The following RPS6KC1 variants were observed in gnomAD, a reference collection of about 807,000 sequenced individuals.
RPS6KC1 encodes the protein inactive ribosomal protein S6 kinase delta-1.
RPS6KC1 carries 54 observed loss-of-function variants against 103.8 expected under a neutral mutation model. The observed-to-expected ratio is 0.52, with a 90% CI of 0.42 to 0.65. The LOEUF is 0.65. Ranked by LOEUF, RPS6KC1 falls within the 30% of genes least tolerant of loss-of-function variation. The probability of loss-of-function intolerance (pLI) is 0.00; values close to 1 mark genes in which losing one functional copy is unlikely to be tolerated. For missense variants in RPS6KC1, 1,151 were observed against 1,253.8 expected, an observed-to-expected ratio of 0.92 and a Z score of 1.24; for synonymous variants, 439 against 438.7, an observed-to-expected ratio of 1.00 and a Z score of -0.01.
At chr1:213,807,267 C>T in the RPS6KC1 span, among the ~76,000 whole-genome samples, 2 of 152,230 alleles carry the variant, frequency 1.3e-5, no homozygotes, top group Middle Eastern at 3.4e-3. Flanking sequence ...CTTGGAGTTG[C>T]TCTTCTCGAG....
At chr1:213,077,611 A>T in intron 2 of RPS6KC1, 85 bp from the exon 3 acceptor site, 1 of 810,308 alleles carries the variant, frequency 1.2e-6, no homozygotes, top group Non-Finnish European at 1.8e-6. Flanking sequence ...GACAATTTTG[A>T]ACACTTTAAT....
At chr1:213,316,472 G>T in the RPS6KC1 span, among the ~76,000 whole-genome samples, 3 of 152,260 alleles carry the variant, frequency 2.0e-5, no homozygotes, top group South Asian at 6.2e-4. Flanking sequence ...ATATTTAAAA[G>T]GTGTTTTCTG....
At chr1:213,788,570 A>C in the RPS6KC1 span, among the ~76,000 whole-genome samples, 12,552 of 152,156 alleles carry the variant, frequency 0.082, 1,672 homozygotes, top group African/African-American at 0.28. Flanking sequence ...CACATTTATC[A>C]GTTCCATGCA....
the RPS6KC1 span, among the ~76,000 whole-genome samples, chr1:213,440,593 T>TAAA: frequency 8.3e-3 from 828 of 100,310 alleles, 20 homozygotes; most frequent in Middle Eastern, 0.016. Flanking sequence ...TTAATGGAAC[T>TAAA]AAAAAAAAAA....
At chr1:213,113,998 C>G (rs1253660572) in intron 4 of RPS6KC1, among the ~76,000 whole-genome samples, 3 of 152,046 alleles carry the variant, frequency 2.0e-5, no homozygotes, top group Non-Finnish European at 1.5e-5. Flanking sequence ...TAGGGTGATG[C>G]CTCCAGCTTT....
intron 12 of RPS6KC1, among the ~76,000 whole-genome samples, chr1:213,257,321 G>A (rs539427767): frequency 5.9e-5 from 9 of 152,296 alleles, no homozygotes; most frequent in Middle Eastern, 3.4e-3. Flanking sequence ...CCATCGATTA[G>A]ACAGACCCAT....
At chr1:213,849,940 A>T in the RPS6KC1 span, among the ~76,000 whole-genome samples, 1 of 151,892 alleles carries the variant, frequency 6.6e-6, no homozygotes, top group Non-Finnish European at 1.5e-5. Context: ...AACTTTTTAT[A>T]TTAATTTTAT....
At chr1:213,085,649 TTCTCCCTTTATCTGTGTCTCTTTG>T (rs1238699498) in intron 3 of RPS6KC1, among the ~76,000 whole-genome samples, 1 of 152,202 alleles carries the variant, frequency 6.6e-6, no homozygotes, top group African/African-American at 2.4e-5. Flanking sequence ...TTACCCTTCC[TTCTCCCTTTATCTGTGTCTCTTTG>T]TTTATGCATC....
intron 3 of RPS6KC1, among the ~76,000 whole-genome samples, chr1:213,083,952 G>A (rs1010922877): frequency 6.6e-6 from 1 of 152,188 alleles, no homozygotes; most frequent in African/African-American, 2.4e-5. Flanking sequence ...GAAACTGGTT[G>A]CTTTATGGTG....
At chr1:213,531,803 C>T in the RPS6KC1 span, among the ~76,000 whole-genome samples, 7 of 152,128 alleles carry the variant, frequency 4.6e-5, no homozygotes, top group Admixed American at 4.6e-4. Context: ...GCTGCGGTTT[C>T]CCAGCTGGGC....
At chr1:213,687,256 C>T in the RPS6KC1 span, among the ~76,000 whole-genome samples, 7 of 152,288 alleles carry the variant, frequency 4.6e-5, no homozygotes, top group East Asian at 1.9e-4. Context: ...AAGATGGAGT[C>T]GCTCTGGTTT....
At chr1:213,219,617 C>A (rs1013514672) in intron 8 of RPS6KC1, among the ~76,000 whole-genome samples, 5 of 152,084 alleles carry the variant, frequency 3.3e-5, no homozygotes, top group African/African-American at 1.2e-4. Flanking sequence ...CCCAAATGTC[C>A]AACAACAATA....
rs114161583 is a variant in RPS6KC1, at chr1:213,061,001, C to G, written c.105+9492C>G. Among the ~76,000 whole-genome samples the G allele has an allele frequency of 3.2e-3, 493 of 151,924 alleles. 5 individuals carry two copies. The highest frequency in any genetic ancestry group is 0.011 in the African/African-American group (468 of 41,200). On this transcript the variant is annotated intron_variant, in intron 1 of 14. Transcript: ENST00000366960. ...GACCAAGAGGCCAGCAGATTTAATA[C>G]CTGATGAGGGCCCGCTTCCTGATTT...
the RPS6KC1 span, among the ~76,000 whole-genome samples, chr1:213,616,915 G>C: frequency 6.6e-6 from 1 of 152,176 alleles, no homozygotes; most frequent in South Asian, 2.1e-4. Context: ...ACAAAGGCCT[G>C]CATTCATATC....
At chr1:213,526,156 C>T in the RPS6KC1 span, among the ~76,000 whole-genome samples, 3 of 152,092 alleles carry the variant, frequency 2.0e-5, no homozygotes, top group Admixed American at 2.0e-4. Flanking sequence ...GCACAGATTA[C>T]TTGGGGGAAA....
chr1:213,219,826 G>C (rs1444240002), intron 8 of RPS6KC1, among the ~76,000 whole-genome samples: 1 of 142,596 alleles, frequency 7.0e-6, no homozygotes, highest in African/African-American at 2.6e-5. Flanking sequence ...ATGGACACAG[G>C]AAGGGGAACA....
At chr1:213,190,730 C>T (rs569641382) in intron 8 of RPS6KC1, among the ~76,000 whole-genome samples, 1 of 152,270 alleles carries the variant, frequency 6.6e-6, no homozygotes, top group South Asian at 2.1e-4. Context: ...TTTGCCCATT[C>T]CAATGTCCTG....
At chr1:213,179,781 T>C (rs540033232) in intron 8 of RPS6KC1, among the ~76,000 whole-genome samples, 1 of 152,342 alleles carries the variant, frequency 6.6e-6, no homozygotes, top group South Asian at 2.1e-4. Flanking sequence ...ATATCTAGAC[T>C]GTAAGCTCTG....
At chr1:213,505,400 C>T in the RPS6KC1 span, among the ~76,000 whole-genome samples, 1 of 152,142 alleles carries the variant, frequency 6.6e-6, no homozygotes, top group Non-Finnish European at 1.5e-5. Context: ...TGCCTTAGGG[C>T]CAGATTGTCT....
Sources: allele counts gnomAD v4.1 joint callset (sites outside exome capture counted in the v4.1 genomes callset), GRCh38; gene constraint gnomAD v4.1.1; transcripts MANE v1.5; gene names NCBI Gene and HGNC (gene_info 2026-07-23, HGNC 2026-07-21).